PTCH1: variants seen among roughly 807,000 people sequenced by gnomAD.
The protein encoded by PTCH1 is patched 1.
PTCH1 carries 14 observed loss-of-function variants against 144.6 expected under a neutral mutation model. That is an observed-to-expected ratio of 0.10 (90% CI 0.06 to 0.15). The LOEUF (loss-of-function observed/expected upper bound fraction) is 0.15. Ranked by LOEUF, PTCH1 falls within the 10% of genes least tolerant of loss-of-function variation. PTCH1 has a pLI of 1.00. For missense variants in PTCH1, 1,623 were observed against 1,948.3 expected, an observed-to-expected ratio of 0.83 and a Z score of 3.14; for synonymous variants, 833 against 793.6, an observed-to-expected ratio of 1.05 and a Z score of -0.83.
rs771814170 is a variant in PTCH1 at position 95,456,363 on chromosome 9, G to C, written c.3219C>G (p.Leu1073=). 6.2e-7 allele frequency: 1 copy of C among 1,614,142 alleles called. No individual in the cohort carries two copies. The highest frequency in any genetic ancestry group is 8.5e-7 in the Non-Finnish European group (1 of 1,180,046). Residue 1073 remains leucine, a synonymous_variant, in exon 19 of 24, where the codon CTC becomes CTG. Coordinates refer to ENST00000331920, the MANE Select transcript of PTCH1 (RefSeq NM_000264.5). ...MTVELFGMMG[L]IGIKLSAVPV... is the part of the protein sequence containing the mutation. ...GCACGGCACTGAGCTTGATTCCGAT[G>C]AGGCCCATCATGCCGAACAGCTCGA...
chr9:95,502,392 G>T (rs1370536218), intron 2 of PTCH1, among the ~76,000 whole-genome samples: 1 of 152,196 alleles, frequency 6.6e-6, no homozygotes, highest in South Asian at 2.1e-4. Context: ...TGCAATGGTG[G>T]TGCAGAGTAG....
Position 95,444,689 on chromosome 9 carries a change from G to A in PTCH1, c.*1704C>T, listed in dbSNP as rs1802060287. 2.6e-5 allele frequency: 4 copies of A among 152,228 alleles called. No homozygotes were observed. In the South Asian group the frequency reaches 6.2e-4, roughly 24 times the overall value. 9.4% of individuals were successfully genotyped at this position (152,228 alleles called of 1,614,324 possible). ...GAGTAACAGGAGCTGCCACTCGTGA[G>A]CGCCTCACAGTAGCTTAGGCTTCAG... On this transcript the variant is annotated 3_prime_UTR_variant, in exon 24 of 24. Transcript: ENST00000331920.
intron 2 of PTCH1, 165 bp downstream of exon 2, chr9:95,506,242 G>C: frequency 1.3e-6 from 1 of 766,602 alleles, no homozygotes; most frequent in Admixed American, 3.1e-5. Flanking sequence ...TTTGTCGGGC[G>C]GGCCTGGCTC....
intron 2 of PTCH1, among the ~76,000 whole-genome samples, chr9:95,492,705 T>C (rs566141466): frequency 6.6e-6 from 1 of 152,012 alleles, no homozygotes; most frequent in East Asian, 1.9e-4. Flanking sequence ...ATACTCAACC[T>C]GTATTACGCT....
At chr9:95,511,313 C>A (rs1289973480), upstream of PTCH1, among the ~76,000 whole-genome samples, 6 of 152,070 alleles carry the variant, frequency 3.9e-5, no homozygotes, top group Admixed American at 6.5e-5. Context: ...CCCGCTCCCT[C>A]CCTCAATCTC....
chr9:95,469,904 C>T lies in PTCH1; in HGVS notation c.1756G>A (p.Ala586Thr), dbSNP rs1699771172. ...GCAGGAAAAATGAGCAGAACCATGGCAAAATTGAACACCACTACTACCGCT... is the reference window on the plus strand; with the variant it reads ...GCAGGAAAAATGAGCAGAACCATGGTAAAATTGAACACCACTACTACCGCT... The part of the protein sequence containing the change: ...QAAVVVVFNF[A>T]MVLLIFPAIL... The change falls in exon 13 of 24, where the codon GCC becomes ACC. Residue 586 changes from alanine (A) to threonine (T), a missense_variant. Ala to Thr is a moderately conservative substitution (Grantham distance 58). Around this residue, in one of 7 missense-constraint regions of PTCH1, gnomAD observed 135 missense variants for 228.7 expected, o/e 0.59. Transcript: ENST00000331920. 1.2e-6 allele frequency: 2 copies of T among 1,613,954 alleles called. No individual in the cohort carries two copies. Among genetic ancestry groups the T allele is most frequent in the South Asian group, 2.2e-5 (2 of 91,090 alleles).
At chr9:95,446,811 G>T in intron 23 of PTCH1, 100 bp downstream of exon 23, 1 of 1,501,784 alleles carries the variant, frequency 6.7e-7, no homozygotes, top group Non-Finnish European at 9.2e-7. Flanking sequence ...ATGTGCCCGA[G>T]CGCCACAGCC....
At chr9:95,490,036 T>C (rs7045468) in intron 2 of PTCH1, among the ~76,000 whole-genome samples, 2,228 of 147,520 alleles carry the variant, frequency 0.015, 62 homozygotes, top group African/African-American at 0.053. Flanking sequence ...TCTCCTGACC[T>C]TGTGATCCGC....
intron 15 of PTCH1, among the ~76,000 whole-genome samples, chr9:95,464,294 G>A (rs913104519): frequency 6.6e-6 from 1 of 152,220 alleles, no homozygotes; most frequent in Non-Finnish European, 1.5e-5. Context: ...TACAAAACAA[G>A]GGATAAGGTT....
chr9:95,447,792 C>A (rs1431772612), intron 22 of PTCH1, among the ~76,000 whole-genome samples: 1 of 152,204 alleles, frequency 6.6e-6, no homozygotes, highest in Non-Finnish European at 1.5e-5. Context: ...CTCTGAGCTG[C>A]CCCTCTCCCG....
chr9:95,499,109 AG>A (rs1426558380), intron 2 of PTCH1, among the ~76,000 whole-genome samples: 1 of 152,162 alleles, frequency 6.6e-6, no homozygotes, highest in African/African-American at 2.4e-5. Context: ...CGGTAAGCAC[AG>A]GGGACCAAGA....
Position 95,479,989 on chromosome 9 carries a change from G to C in PTCH1, c.1047C>G (p.Asn349Lys), listed in dbSNP as rs2118388662. The change falls in exon 7 of 24, where the codon AAC (asparagine) becomes AAG (lysine). Residue 349 changes from asparagine to lysine, a missense_variant. Physicochemically the swap from Asn to Lys is moderately conservative, Grantham distance 94. Transcript: ENST00000331920. Reference sequence around the variant, plus strand: ...CTTACCTGACGAGTTTTCCAGTGCTGTTCTTGACTGTGCCACCCACAATCA... The same window carrying C: ...CTTACCTGACGAGTTTTCCAGTGCTCTTCTTGACTGTGCCACCCACAATCA... ...EELIVGGTVKNSTGKLVSAHA... is the reference protein window; with the variant it reads ...EELIVGGTVKKSTGKLVSAHA... 1 of 1,614,100 alleles carries C rather than the reference G, an allele frequency of 6.2e-7. No homozygotes were observed. Among genetic ancestry groups the C allele is most frequent in the Non-Finnish European group, 8.5e-7 (1 of 1,180,026 alleles).
intron 15 of PTCH1, among the ~76,000 whole-genome samples, chr9:95,462,665 C>T (rs905310854): frequency 1.3e-5 from 2 of 152,132 alleles, no homozygotes; most frequent in African/African-American, 2.4e-5. Context: ...CTCGTGTGCA[C>T]GCAGGGAAAT....
In PTCH1 at chr9:95,459,580, C is replaced by A; in HGVS notation, c.2887+20G>T. 6.2e-7 allele frequency: 1 copy of A among 1,612,656 alleles called. No homozygotes were observed. The highest frequency in any genetic ancestry group is 8.5e-7 in the Non-Finnish European group (1 of 1,179,890). The stretch of plus-strand genomic sequence containing the variant: ...GGCACCTCTGTAAGTTCCCAGACCT[C>A]CCGATAAAACGCTACTTACTTCTCA... On this transcript the variant is annotated intron_variant, in intron 17 of 23. Coordinates refer to ENST00000331920, the MANE Select transcript of PTCH1 (RefSeq NM_000264.5).
intron 2 of PTCH1, among the ~76,000 whole-genome samples, chr9:95,503,915 C>T (rs1843335636): frequency 8.8e-6 from 1 of 114,134 alleles, no homozygotes; most frequent in East Asian, 2.3e-4. Context: ...ACTCGGGAGG[C>T]TGAGGCAGGA....
At position 95,446,069 on chromosome 9, in the gene PTCH1, T is replaced by C. The variant is rs184752045; in HGVS notation, c.*324A>G. 1.5e-5 allele frequency: 3 copies of C among 195,600 alleles called. No homozygotes were observed. Among genetic ancestry groups the C allele is most frequent in the Admixed American group, 1.0e-4 (2 of 19,092 alleles). The allele number at this position is 195,600 out of a possible 1,614,324, so 12.1% of individuals were successfully genotyped here. A position where few individuals can be genotyped will look rare whatever the true frequency, so the allele number is the denominator to read the frequency against. On this transcript the variant is annotated 3_prime_UTR_variant, in exon 24 of 24. Coordinates refer to ENST00000331920, the MANE Select transcript of PTCH1 (RefSeq NM_000264.5). Reference sequence around the variant, plus strand: ...AACATATGCTGAAATTTAAGACTAATGAAGCTTGGTTGTGGCACGGAGCCC... The same window carrying C: ...AACATATGCTGAAATTTAAGACTAACGAAGCTTGGTTGTGGCACGGAGCCC...
intron 19 of PTCH1, among the ~76,000 whole-genome samples, chr9:95,454,612 C>T (rs1474424670): frequency 6.6e-6 from 1 of 152,214 alleles, no homozygotes; most frequent in East Asian, 1.9e-4. Context: ...TTCAGCCATG[C>T]TGGCTTGCAT....
chr9:95,508,026 T>C, intron 1 of PTCH1, 135 bp downstream of exon 1: 4 of 1,524,102 alleles, frequency 2.6e-6, no homozygotes, highest in Non-Finnish European at 2.6e-6. Flanking sequence ...CTGCTTTTCC[T>C]GGAGAGGTGT....
Position 95,447,087 on chromosome 9 carries a change from C to T in PTCH1, c.4169G>A (p.Gly1390Glu), listed in dbSNP as rs1837985101. 1.2e-6 allele frequency: 2 copies of T among 1,613,914 alleles called. No individual in the cohort carries two copies. Among genetic ancestry groups the T allele is most frequent in the Non-Finnish European group, 1.7e-6 (2 of 1,180,014 alleles). The change falls in exon 23 of 24, where the codon GGG becomes GAG. Residue 1390 changes from glycine (G) to glutamate (E), a missense_variant. Around this residue, in one of 7 missense-constraint regions of PTCH1, gnomAD observed 291 missense variants for 287.4 expected, o/e 1.01. Coordinates refer to ENST00000331920, the MANE Select transcript of PTCH1 (RefSeq NM_000264.5). ...AVHPPPVPGP[G>E]RNPRGGLCPG... ...GCAGAGTCCCCCTCGGGGGTTCCGC[C>T]CAGGCCCAGGGACAGGCGGCGGGTG...
Sources: gnomAD v4.1 joint callset for allele counts (sites outside exome capture counted in the v4.1 genomes callset) on GRCh38, gnomAD v4.1.1 for gene constraint, gnomAD v4.1.1 regional missense constraint, MANE v1.5 for transcripts, NCBI Gene and HGNC (gene_info 2026-07-23, HGNC 2026-07-21) for gene names.